The following MLLT10 variants were observed in gnomAD, a reference collection of about 807,000 sequenced individuals.
The protein encoded by MLLT10 is MLLT10 histone lysine methyltransferase DOT1L cofactor.
MLLT10 carries 30 observed loss-of-function variants against 129.1 expected under a neutral mutation model. The ratio of observed to expected loss-of-function variants is 0.23; its 90% CI spans 0.17 to 0.32. The LOEUF (loss-of-function observed/expected upper bound fraction) is 0.32. MLLT10 is among the 10% of genes least tolerant of loss of function. The pLI, the probability that MLLT10 is intolerant of heterozygous loss-of-function variation, is 1.00. For synonymous variants in MLLT10, 490 were observed against 446.4 expected (o/e 1.10, Z -1.23); for missense variants, 1,119 against 1,268.3 (o/e 0.88, Z 1.79).
chr10:21,667,426 G>A (rs1410138547), intron 9 of MLLT10, among the ~76,000 whole-genome samples: 1 of 149,040 alleles, frequency 6.7e-6, no homozygotes, highest in Non-Finnish European at 1.5e-5. Context: ...AGTTTTGTGG[G>A]GATTTTTTGT....
At chr10:21,556,897 A>G (rs772563922) in intron 3 of MLLT10, 2 of 1,550,594 alleles carry the variant, frequency 1.3e-6, no homozygotes, top group Non-Finnish European at 1.7e-6. Flanking sequence ...GCTTTATGCC[A>G]TTTATCTCAG....
intron 13 of MLLT10, among the ~76,000 whole-genome samples, chr10:21,693,086 G>A (rs2054030232): frequency 6.6e-6 from 1 of 151,796 alleles, no homozygotes. Context: ...ACTCATTTAG[G>A]TGTGCCTCAT....
At chr10:21,593,218 C>G (rs1398674476) in intron 4 of MLLT10, among the ~76,000 whole-genome samples, 4 of 152,076 alleles carry the variant, frequency 2.6e-5, no homozygotes, top group African/African-American at 9.7e-5. Flanking sequence ...CCTCAACCTC[C>G]TGAGTAGCTG....
intron 21 of MLLT10, among the ~76,000 whole-genome samples, chr10:21,737,369 G>C (rs1413788767): frequency 6.6e-6 from 1 of 152,004 alleles, no homozygotes; most frequent in African/African-American, 2.4e-5. Flanking sequence ...AGGCAGATGT[G>C]GTGGGCACAC....
In MLLT10 at chr10:21,734,042, T is replaced by A; in HGVS notation, c.2771T>A (p.Val924Asp). 1 of 1,614,148 alleles carries A rather than the reference T, an allele frequency of 6.2e-7. No individual in the cohort carries two copies. Among genetic ancestry groups the A allele is most frequent in the Admixed American group, 1.7e-5 (1 of 60,014 alleles). The change falls in exon 20 of 23, where the codon GTC (valine) becomes GAC (aspartate). Residue 924 changes from valine to aspartate, a missense_variant. By Grantham distance (152) the Val-to-Asp change is radical. Coordinates refer to ENST00000307729, the MANE Select transcript of MLLT10 (RefSeq NM_001195626.3). Reference protein sequence around the residue: ...GALNGVMQTPVTMSQNPTPLT... With the variant: ...GALNGVMQTPDTMSQNPTPLT... ...TTAAATGGGGTTATGCAGACTCCTG[T>A]CACAATGTCCCAGAACCCTACCCCT...
Position 21,732,969 on chromosome 10 carries a change from C to A in MLLT10, c.2289C>A (p.Asn763Lys). The part of the protein sequence containing the change: ...ENRRLEEQIK[N>K]LTAKKERLQL... Reference sequence around the variant, plus strand: ...GAAGATTAGAGGAACAAATTAAAAACTTGACTGCCAAAAAGGAACGGCTTC... The same window carrying A: ...GAAGATTAGAGGAACAAATTAAAAAATTGACTGCCAAAAAGGAACGGCTTC... Residue 763 changes from asparagine (N) to lysine (K), a missense_variant, in exon 18 of 23, where the codon AAC becomes AAA. Transcript: ENST00000307729. The A allele has an allele frequency of 6.2e-7, 1 of 1,613,970 alleles. No individual in the cohort carries two copies. Among genetic ancestry groups the A allele is most frequent in the Non-Finnish European group, 8.5e-7 (1 of 1,179,964 alleles).
In MLLT10 at chr10:21,738,517, G is replaced by A. The variant is rs945581701; in HGVS notation, c.2956-1513G>A. 81 of 1,287,352 alleles carry A rather than the reference G, an allele frequency of 6.3e-5. No homozygotes were observed. The African/African-American group carries it at 1.2e-3, about 19-fold the overall frequency. 79.7% of individuals were successfully genotyped at this position (1,287,352 alleles called of 1,614,324 possible). ...ACTTTTTCCTTCATCTGCCAATGTC[G>A]TGGGCTAAAGTTTGTTCATTTACAG... is the stretch of plus-strand genomic sequence containing the variant. On this transcript the variant is annotated intron_variant, in intron 21 of 22. Transcript: ENST00000307729.
intron 4 of MLLT10, among the ~76,000 whole-genome samples, chr10:21,588,130 A>G (rs1214661974): frequency 6.6e-6 from 1 of 151,750 alleles, no homozygotes; most frequent in Admixed American, 6.6e-5. Context: ...GCAGTGGTGC[A>G]GTCTCAGCTC....
At chr10:21,586,778 T>C (rs183452026) in intron 4 of MLLT10, among the ~76,000 whole-genome samples, 1 of 152,082 alleles carries the variant, frequency 6.6e-6, no homozygotes, top group African/African-American at 2.4e-5. Context: ...TCCCAGCTAC[T>C]TGGGAGGCTG....
At chr10:21,578,698 T>A (rs2041051407) in intron 3 of MLLT10, among the ~76,000 whole-genome samples, 1 of 152,226 alleles carries the variant, frequency 6.6e-6, no homozygotes, top group African/African-American at 2.4e-5. Context: ...TTAAGTATAT[T>A]TCTTTACTCT....
chr10:21,561,641 TC>T (rs1349935578), intron 3 of MLLT10, among the ~76,000 whole-genome samples: 13 of 152,208 alleles, frequency 8.5e-5, no homozygotes, highest in African/African-American at 3.1e-4. Flanking sequence ...CCACCTACAT[TC>T]TTTTGCATGT....
intron 21 of MLLT10, among the ~76,000 whole-genome samples, chr10:21,736,129 T>G (rs2058344775): frequency 6.6e-6 from 1 of 152,144 alleles, no homozygotes; most frequent in African/African-American, 2.4e-5. Context: ...TTTTAAAGGA[T>G]TAGTTTTGCT....
Position 21,562,081 on chromosome 10 carries a change from C to T in MLLT10, c.240+23169C>T, listed in dbSNP as rs533894766. ...TCGGCCTTCCAAAGTGCTGGGATTA[C>T]AGGCGTGAGCCACTGTGCTTGGCAA... On this transcript the variant is annotated intron_variant, in intron 3 of 22. Coordinates refer to ENST00000307729, the MANE Select transcript of MLLT10 (RefSeq NM_001195626.3). 2.0e-5 allele frequency among the ~76,000 whole-genome samples: 3 copies of T among 152,314 alleles called. No homozygotes were observed. In the East Asian group the frequency reaches 5.8e-4, roughly 29 times the overall value.
intron 8 of MLLT10, among the ~76,000 whole-genome samples, chr10:21,642,881 A>T (rs1281807956): frequency 6.6e-6 from 1 of 152,090 alleles, no homozygotes; most frequent in Non-Finnish European, 1.5e-5. Flanking sequence ...TCAGCAAGAA[A>T]GATGTTTATG....
intron 13 of MLLT10, among the ~76,000 whole-genome samples, chr10:21,698,762 C>T (rs2054607233): frequency 6.6e-6 from 1 of 152,192 alleles, no homozygotes; most frequent in Admixed American, 6.5e-5. Context: ...TAATCATAGC[C>T]ATTCTAACTG....
intron 2 of MLLT10, among the ~76,000 whole-genome samples, chr10:21,536,218 G>A (rs564804265): frequency 6.6e-6 from 1 of 152,300 alleles, no homozygotes; most frequent in East Asian, 1.9e-4. Flanking sequence ...TGGGATTACC[G>A]GCGTCAGCCA....
intron 5 of MLLT10, among the ~76,000 whole-genome samples, chr10:21,610,909 T>C (rs2044549267): frequency 6.6e-6 from 1 of 151,674 alleles, no homozygotes; most frequent in African/African-American, 2.4e-5. Context: ...TTATTTGGGA[T>C]TTTACTTTTT....
intron 10 of MLLT10, among the ~76,000 whole-genome samples, chr10:21,671,970 A>G (rs950429045): frequency 3.3e-5 from 5 of 152,176 alleles, no homozygotes; most frequent in African/African-American, 1.2e-4. Context: ...AAACAAACAA[A>G]AAACCAAAAA....
intron 4 of MLLT10, among the ~76,000 whole-genome samples, chr10:21,590,564 C>T (rs2042398029): frequency 1.3e-5 from 2 of 152,052 alleles, no homozygotes; most frequent in Non-Finnish European, 2.9e-5. Context: ...GTCTTGAACT[C>T]CTGACCTCAG....
Sources: allele counts gnomAD v4.1 joint callset (sites outside exome capture counted in the v4.1 genomes callset), GRCh38; gene constraint gnomAD v4.1.1; transcripts MANE v1.5; gene names NCBI Gene and HGNC (gene_info 2026-07-23, HGNC 2026-07-21).